USP3: variants seen among roughly 807,000 people sequenced by gnomAD.
USP3 encodes ubiquitin specific peptidase 3, also known as ubiquitin carboxyl-terminal hydrolase 3.
USP3 carries 20 observed loss-of-function variants against 72.3 expected under a neutral mutation model. The observed-to-expected ratio is 0.28, with a 90% CI of 0.19 to 0.40. The LOEUF (loss-of-function observed/expected upper bound fraction) is 0.40, where lower values mean the gene tolerates loss of function less well. USP3 is among the 10% of genes least tolerant of loss of function. The pLI is 1.00. For missense variants in USP3, 479 were observed against 633.9 expected, an observed-to-expected ratio of 0.76 and a Z score of 2.62; for synonymous variants, 222 against 225.3, an observed-to-expected ratio of 0.99 and a Z score of 0.13.
chr15:63,565,923 T>G (rs2066682869), intron 8 of USP3, among the ~76,000 whole-genome samples: 1 of 152,224 alleles, frequency 6.6e-6, no homozygotes, highest in African/African-American at 2.4e-5. Flanking sequence ...TCTTTTCTGC[T>G]AGCCTTTGTC....
chr15:63,542,319 A>G, intron 3 of USP3: 10 of 426,826 alleles, frequency 2.3e-5, no homozygotes, highest in Non-Finnish European at 3.1e-5. Flanking sequence ...AAATAGCACC[A>G]TGTGACTGCT....
Position 63,570,622 on chromosome 15 carries a change from ATTTCT to A in USP3, c.908+47_908+51del. 6.4e-7 allele frequency: 1 copy of A among 1,568,034 alleles called. No individual in the cohort carries two copies. Among genetic ancestry groups the A allele is most frequent in the Non-Finnish European group, 8.6e-7 (1 of 1,158,280 alleles). On this transcript the variant is annotated intron_variant, in intron 9 of 14. Coordinates refer to ENST00000380324, the MANE Select transcript of USP3 (RefSeq NM_006537.4). This position sits in a 1 kb window ranked among gnomAD's most constrained non-coding sequence, Gnocchi z 4.4. ...TCTGTTTTTTAGGAGGGCCTCAGAC[ATTTCT>A]TTTGGTGTTAATTATGTGTTAGATT...
At chr15:63,573,998 G>A in intron 9 of USP3, 48 bp from the exon 10 acceptor site, 6 of 1,339,368 alleles carry the variant, frequency 4.5e-6, no homozygotes, top group Non-Finnish European at 6.1e-6. Flanking sequence ...AAATGTCAAA[G>A]AGATGGCTTC....
At chr15:63,560,181 A>G (rs918232922) in intron 7 of USP3, among the ~76,000 whole-genome samples, 4 of 152,146 alleles carry the variant, frequency 2.6e-5, no homozygotes, top group Non-Finnish European at 1.5e-5. Context: ...GCACTTTGGG[A>G]TGCTGAGGCG....
chr15:63,560,308 C>T (rs1012363700), intron 7 of USP3, among the ~76,000 whole-genome samples: 2 of 150,494 alleles, frequency 1.3e-5, no homozygotes, highest in South Asian at 2.1e-4. Context: ...CCCAGCTACT[C>T]GGGAGGCTGA....
intron 11 of USP3, chr15:63,587,612 T>C (rs1361936969): frequency 2.0e-5 from 3 of 152,216 alleles, no homozygotes; most frequent in Admixed American, 6.5e-5. Flanking sequence ...AGATTTACAG[T>C]GTTTTAGGCT....
intron 11 of USP3, among the ~76,000 whole-genome samples, chr15:63,587,475 A>G (rs1288265490): frequency 6.6e-6 from 1 of 152,260 alleles, no homozygotes; most frequent in Non-Finnish European, 1.5e-5. Context: ...AAGCAAAATG[A>G]CATACAGCAG....
At position 63,547,998 on chromosome 15, in the gene USP3, C is replaced by A. The variant is rs2066376879; in HGVS notation, c.285-5717C>A. 4.6e-5 allele frequency among the ~76,000 whole-genome samples: 7 copies of A among 151,930 alleles called. No individual in the cohort carries two copies. In the South Asian group the frequency reaches 1.5e-3, roughly 32 times the overall value. ...CATGGTAGCGTGCCTGCAGTCCCAA[C>A]TACTTGGGAGGCTGAGGTGGGAGGA... On this transcript the variant is annotated intron_variant, in intron 3 of 14. Coordinates refer to ENST00000380324, the MANE Select transcript of USP3 (RefSeq NM_006537.4).
At chr15:63,516,715 T>C (rs1029938458) in intron 1 of USP3, among the ~76,000 whole-genome samples, 1 of 152,026 alleles carries the variant, frequency 6.6e-6, no homozygotes, top group African/African-American at 2.4e-5. Flanking sequence ...TTCTTTTTCC[T>C]ATAATTCTTT....
chr15:63,509,041 GGTTGTCA>G (rs1486916920), intron 1 of USP3, among the ~76,000 whole-genome samples: 2 of 152,146 alleles, frequency 1.3e-5, no homozygotes, highest in Non-Finnish European at 2.9e-5. Context: ...GTTGATTATT[GGTTGTCA>G]GTGGTAATAA....
chr15:63,533,240 G>A (rs1041779754), intron 2 of USP3, among the ~76,000 whole-genome samples: 1 of 151,928 alleles, frequency 6.6e-6, no homozygotes, highest in Middle Eastern at 3.2e-3. Flanking sequence ...ACAGATAAAC[G>A]AATTCCTTTT....
chr15:63,568,426 A>T (rs1423351750), intron 8 of USP3, among the ~76,000 whole-genome samples: 3 of 151,902 alleles, frequency 2.0e-5, no homozygotes, highest in Non-Finnish European at 4.4e-5. Flanking sequence ...CCGGTCTGTC[A>T]CAGGGACACT....
intron 2 of USP3, among the ~76,000 whole-genome samples, 200 bp downstream of exon 2, chr15:63,532,907 C>T (rs1031811082): frequency 6.6e-5 from 10 of 152,072 alleles, no homozygotes; most frequent in Non-Finnish European, 1.2e-4. Context: ...AAAAACTCTT[C>T]GTATTGATAC....
At chr15:63,580,702 T>TA (rs2066942531) in intron 11 of USP3, among the ~76,000 whole-genome samples, 2 of 142,728 alleles carry the variant, frequency 1.4e-5, no homozygotes, top group African/African-American at 2.6e-5. Flanking sequence ...ATATACTTAT[T>TA]TTAATATTTA....
chr15:63,586,308 G>A (rs1342053608), intron 11 of USP3, among the ~76,000 whole-genome samples: 5 of 152,060 alleles, frequency 3.3e-5, no homozygotes. Context: ...TTCACTGTGG[G>A]TTTTCATATA....
intron 6 of USP3, among the ~76,000 whole-genome samples, chr15:63,558,669 G>GT (rs2066552600): frequency 6.6e-6 from 1 of 152,126 alleles, no homozygotes; most frequent in Admixed American, 6.5e-5. Context: ...AAAGTCAGGA[G>GT]TTTGAGACCA....
rs2067245278 is a variant in USP3 at position 63,593,709 on chromosome 15, T to TA, written c.*2884dup. On this transcript the variant is annotated 3_prime_UTR_variant, in exon 15 of 15. Transcript: ENST00000380324. ...TGAACAGCAGTGATGTAAATGTGCT[T>TA]ATTTGTGTTTTCATTTTTAACTGTG... The TA allele has an allele frequency of 6.6e-6, 1 of 152,248 alleles. No individual in the cohort carries two copies. The highest frequency in any genetic ancestry group is 1.5e-5 in the Non-Finnish European group (1 of 68,038). The allele number at this position is 152,248 out of a possible 1,614,324, so 9.4% of individuals were successfully genotyped here.
At chr15:63,558,949 T>G (rs1281094573) in intron 6 of USP3, among the ~76,000 whole-genome samples, 3 of 152,182 alleles carry the variant, frequency 2.0e-5, no homozygotes, top group Non-Finnish European at 4.4e-5. Flanking sequence ...AAGAGCTGCC[T>G]GGTGGAGGGC....
chr15:63,519,766 C>T (rs1013468507), intron 1 of USP3, among the ~76,000 whole-genome samples: 4 of 152,120 alleles, frequency 2.6e-5, no homozygotes, highest in Admixed American at 6.5e-5. Context: ...TTTTCTGACT[C>T]GTAATTCTTT....
Sources: gnomAD v4.1 joint callset for allele counts (sites outside exome capture counted in the v4.1 genomes callset) on GRCh38, gnomAD v4.1.1 for gene constraint, Gnocchi (gnomAD v3.1) non-coding constraint, MANE v1.5 for transcripts, NCBI Gene and HGNC (gene_info 2026-07-23, HGNC 2026-07-21) for gene names.